NEO1: variants seen among roughly 807,000 people sequenced by gnomAD.
The protein encoded by NEO1 is neogenin.
NEO1 carries 63 observed loss-of-function variants against 159.7 expected under a neutral mutation model. The ratio of observed to expected loss-of-function variants is 0.39; its 90% CI spans 0.32 to 0.49. NEO1 has a LOEUF of 0.49. Among genes scored for constraint, NEO1 ranks in the 20% least tolerant of loss-of-function variants. The pLI is 0.85. For missense variants in NEO1, 1,615 were observed against 1,831.0 expected, an observed-to-expected ratio of 0.88 and a Z score of 2.15; for synonymous variants, 633 against 662.0, an observed-to-expected ratio of 0.96 and a Z score of 0.67.
chr15:73,272,918 G>A (rs774078823), intron 19 of NEO1, among the ~76,000 whole-genome samples: 44 of 143,128 alleles, frequency 3.1e-4, no homozygotes, highest in Non-Finnish European at 4.7e-4. Flanking sequence ...CCCTGGTTCT[G>A]TAGAGTAATA....
At chr15:73,107,754 A>G (rs900966019) in intron 1 of NEO1, among the ~76,000 whole-genome samples, 1 of 152,228 alleles carries the variant, frequency 6.6e-6, no homozygotes, top group Non-Finnish European at 1.5e-5. Context: ...TCATCAGTAT[A>G]GCAAAAGTGG....
intron 5 of NEO1, among the ~76,000 whole-genome samples, chr15:73,159,610 G>T (rs760275543): frequency 3.3e-5 from 5 of 152,108 alleles, no homozygotes; most frequent in Admixed American, 1.3e-4. Flanking sequence ...AATGACTTCA[G>T]CCACTCCATC....
At chr15:73,259,833 G>A (rs2623990) in intron 14 of NEO1, among the ~76,000 whole-genome samples, 14,372 of 152,112 alleles carry the variant, frequency 0.094, 900 homozygotes, top group African/African-American at 0.17. Context: ...AATAATTGGT[G>A]CTATTGCTAT....
chr15:73,221,363 C>CTCAGGGG (rs2038248273), intron 7 of NEO1, among the ~76,000 whole-genome samples: 3 of 152,224 alleles, frequency 2.0e-5, no homozygotes, highest in South Asian at 2.1e-4. Flanking sequence ...AGTTAGGCTG[C>CTCAGGGG]TCAGGGGTCA....
intron 27 of NEO1, 143 bp downstream of exon 27, chr15:73,298,754 A>G: frequency 8.4e-7 from 1 of 1,195,924 alleles, no homozygotes; most frequent in Non-Finnish European, 1.1e-6. Flanking sequence ...TTAGCGTAGC[A>G]GTGTGCCATT....
intron 7 of NEO1, among the ~76,000 whole-genome samples, chr15:73,215,834 G>A (rs146876491): frequency 0.014 from 2,065 of 152,114 alleles, 19 homozygotes; most frequent in South Asian, 0.017. Flanking sequence ...TCTCAATATT[G>A]TGGAATAGTG....
rs537544300 is a variant in NEO1, at chr15:73,267,102, C to CA, written c.2494+697dup. 1.7e-3 allele frequency among the ~76,000 whole-genome samples: 259 copies of CA among 152,142 alleles called. 1 individual carries two copies. The highest frequency in any genetic ancestry group is 5.9e-3 in the African/African-American group (245 of 41,518). ...TGAAACCCTATCTCTACTAAAAATA[C>CA]AAAAAATTAGCCAGGCGTGGTGCTG... On this transcript the variant is annotated intron_variant, in intron 16 of 28. Transcript: ENST00000261908.
intron 1 of NEO1, among the ~76,000 whole-genome samples, chr15:73,114,208 G>T (rs1281709976): frequency 6.6e-6 from 1 of 152,140 alleles, no homozygotes; most frequent in Non-Finnish European, 1.5e-5. Flanking sequence ...GTGGTGGTGG[G>T]AATAGCTTGT....
At chr15:73,102,142 C>CT (rs966822875) in intron 1 of NEO1, among the ~76,000 whole-genome samples, 1 of 151,944 alleles carries the variant, frequency 6.6e-6, no homozygotes, top group Non-Finnish European at 1.5e-5. Flanking sequence ...CCGAGGCGGG[C>CT]GGATCATGAG....
At chr15:73,182,635 GAC>G (rs1488006964) in intron 7 of NEO1, among the ~76,000 whole-genome samples, 1 of 151,842 alleles carries the variant, frequency 6.6e-6, no homozygotes, top group Non-Finnish European at 1.5e-5. Flanking sequence ...CATGGTGGCA[GAC>G]AAGAGAGAAT....
intron 7 of NEO1, among the ~76,000 whole-genome samples, chr15:73,221,264 G>C (rs1213751215): frequency 5.3e-5 from 8 of 152,198 alleles, no homozygotes; most frequent in Non-Finnish European, 4.4e-5. Flanking sequence ...CACGAATGCT[G>C]CTGTCTGATT....
intron 5 of NEO1, among the ~76,000 whole-genome samples, chr15:73,157,596 C>T (rs1041987886): frequency 1.3e-5 from 2 of 152,234 alleles, no homozygotes; most frequent in African/African-American, 2.4e-5. Context: ...TCAGCCAGTC[C>T]TGGCCACACG....
Position 73,302,659 on chromosome 15 carries a change from G to T in NEO1, c.4349G>T (p.Gly1450Val). The T allele has an allele frequency of 6.2e-7, 1 of 1,614,108 alleles. No individual in the cohort carries two copies. The highest frequency in any genetic ancestry group is 8.5e-7 in the Non-Finnish European group (1 of 1,179,996). ...ACCAAAGAGATGGCCCACCTGGAAGGACTAATGAAGGACCTAAACGCTATC... is the reference window on the plus strand; with the variant it reads ...ACCAAAGAGATGGCCCACCTGGAAGTACTAATGAAGGACCTAAACGCTATC... ...ELTKEMAHLEGLMKDLNAITT... is the reference protein window; with the variant it reads ...ELTKEMAHLEVLMKDLNAITT... Residue 1450 changes from glycine to valine, a missense_variant, in exon 29 of 29, where the codon GGA becomes GTA. Physicochemically the swap from Gly to Val is moderately radical, Grantham distance 109. This residue lies in a region of NEO1 where 471 missense variants were observed against 498.9 expected (regional missense o/e 0.94). Transcript: ENST00000261908.
intron 1 of NEO1, among the ~76,000 whole-genome samples, 167 bp downstream of exon 1, chr15:73,052,972 G>A (rs2067527550): frequency 6.6e-6 from 1 of 151,666 alleles, no homozygotes; most frequent in Non-Finnish European, 1.5e-5. Context: ...GGGAGGAGAA[G>A]GGCGAGAGGG....
In NEO1 at chr15:73,117,407, AAT is replaced by A. The variant is rs546822026; in HGVS notation, c.448+551_448+552del. 1.6e-4 allele frequency among the ~76,000 whole-genome samples: 24 copies of A among 152,278 alleles called. No homozygotes were observed. In the South Asian group the frequency reaches 4.8e-3, roughly 30 times the overall value. Reference sequence around the variant, plus strand: ...GAAGAATGATGGAAAGTGTAAGAAAAATTAGGGATCTTGAAGAGTAAGATGTG... The same window carrying A: ...GAAGAATGATGGAAAGTGTAAGAAAATAGGGATCTTGAAGAGTAAGATGTG... On this transcript the variant is annotated intron_variant, in intron 2 of 28. Transcript: ENST00000261908.
chr15:73,272,005 T>C (rs1271940435), intron 18 of NEO1, among the ~76,000 whole-genome samples: 1 of 151,856 alleles, frequency 6.6e-6, no homozygotes, highest in Non-Finnish European at 1.5e-5. Flanking sequence ...AACAAAATAA[T>C]CCAGTGTGAC....
chr15:73,143,166 C>A, intron 5 of NEO1: 1 of 156,586 alleles, frequency 6.4e-6, no homozygotes, highest in South Asian at 1.9e-4. Flanking sequence ...GTGCATGTGT[C>A]TGGAGGCACC....
chr15:73,222,812 TC>T (rs1424044351), intron 7 of NEO1, among the ~76,000 whole-genome samples: 8 of 152,170 alleles, frequency 5.3e-5, no homozygotes, highest in African/African-American at 1.9e-4. Flanking sequence ...TTTCCTTGCT[TC>T]CACCGGGTTT....
intron 1 of NEO1, among the ~76,000 whole-genome samples, chr15:73,080,916 A>G (rs940693470): frequency 1.3e-4 from 20 of 152,350 alleles, no homozygotes; most frequent in African/African-American, 4.6e-4. Context: ...TTTCAATAGC[A>G]TTTTAAAATA....
Sources: allele counts gnomAD v4.1 joint callset (sites outside exome capture counted in the v4.1 genomes callset), GRCh38; gene constraint gnomAD v4.1.1; regional missense constraint gnomAD v4.1.1; transcripts MANE v1.5; gene names NCBI Gene and HGNC (gene_info 2026-07-23, HGNC 2026-07-21).